The following NRXN3 variants were observed in gnomAD, a reference collection of about 807,000 sequenced individuals.
The protein encoded by NRXN3 is neurexin 3, also known as neurexin III.
Under a neutral mutation model 137.6 loss-of-function variants are expected in NRXN3, and 32 were observed. The observed-to-expected ratio is 0.23, with a 90% confidence interval of 0.18 to 0.31. NRXN3 has a LOEUF of 0.31. Ranked by LOEUF, NRXN3 falls within the 10% of genes least tolerant of loss-of-function variation. The pLI, the probability that NRXN3 is intolerant of heterozygous loss-of-function variation, is 1.00. For missense variants in NRXN3, 1,574 were observed against 2,062.5 expected (o/e 0.76, Z 4.59); for synonymous variants, 798 against 784.5 (o/e 1.02, Z -0.29).
chr14:79,117,830 A>C (rs2054721495), intron 15 of NRXN3, among the ~76,000 whole-genome samples: 1 of 152,252 alleles, frequency 6.6e-6, no homozygotes, highest in South Asian at 2.1e-4. Context: ...AATAAGAAAC[A>C]GTCATTGTTG....
At chr14:78,913,332 T>C (rs2099245910) in intron 10 of NRXN3, among the ~76,000 whole-genome samples, 1 of 136,114 alleles carries the variant, frequency 7.3e-6, no homozygotes, top group Non-Finnish European at 1.5e-5. Flanking sequence ...TAGGCTGGAG[T>C]GTAGTGGCGC....
intron 8 of NRXN3, among the ~76,000 whole-genome samples, chr14:78,775,583 A>G (rs898213172): frequency 6.6e-6 from 1 of 152,222 alleles, no homozygotes; most frequent in Non-Finnish European, 1.5e-5. Flanking sequence ...CACCCCTGGA[A>G]TTTTACAGGA....
intron 15 of NRXN3, among the ~76,000 whole-genome samples, chr14:79,414,961 T>C (rs899127905): frequency 6.6e-6 from 1 of 152,172 alleles, no homozygotes; most frequent in African/African-American, 2.4e-5. Flanking sequence ...ATGCAGTATT[T>C]GTATTTCTGT....
At chr14:78,402,161 T>C (rs1327887429) in intron 4 of NRXN3, among the ~76,000 whole-genome samples, 2 of 152,162 alleles carry the variant, frequency 1.3e-5, no homozygotes, top group Non-Finnish European at 2.9e-5. Flanking sequence ...ATGAGGAAAA[T>C]GGTACTTTCT....
At chr14:79,663,341 C>A (rs1341525572) in intron 16 of NRXN3, among the ~76,000 whole-genome samples, 1 of 151,932 alleles carries the variant, frequency 6.6e-6, no homozygotes, top group Admixed American at 6.6e-5. Flanking sequence ...CTCTGCTTTG[C>A]CTTGATCGCA....
chr14:78,776,736 C>T (rs2098746066), intron 8 of NRXN3, among the ~76,000 whole-genome samples: 2 of 152,126 alleles, frequency 1.3e-5, no homozygotes, highest in Non-Finnish European at 2.9e-5. Context: ...TGACATGCTC[C>T]ATGAAGGACT....
intron 2 of NRXN3, among the ~76,000 whole-genome samples, chr14:78,257,369 C>T (rs986713668): frequency 2.0e-5 from 3 of 152,204 alleles, no homozygotes; most frequent in Non-Finnish European, 4.4e-5. Context: ...GGCTTATGGT[C>T]TAGTTGGGAA....
intron 15 of NRXN3, among the ~76,000 whole-genome samples, chr14:79,361,996 A>AATTATAATT (rs1555399872): frequency 7.0e-6 from 1 of 142,120 alleles, no homozygotes; most frequent in Admixed American, 7.1e-5. Flanking sequence ...CTACTTTTAT[A>AATTATAATT]ATTATTATTA....
intron 10 of NRXN3, among the ~76,000 whole-genome samples, chr14:78,812,413 C>T (rs868505926): frequency 6.6e-5 from 10 of 152,266 alleles, no homozygotes; most frequent in African/African-American, 1.9e-4. Context: ...TGGAAAGCCT[C>T]GTATCCGAAG....
At chr14:78,744,017 C>T (rs2098595123) in intron 8 of NRXN3, among the ~76,000 whole-genome samples, 1 of 152,090 alleles carries the variant, frequency 6.6e-6, no homozygotes, top group Non-Finnish European at 1.5e-5. Context: ...CTTGGAAGGG[C>T]TTTTTATATA....
intron 4 of NRXN3, among the ~76,000 whole-genome samples, chr14:78,608,521 T>A (rs2097271748): frequency 1.3e-5 from 2 of 152,226 alleles, no homozygotes; most frequent in African/African-American, 4.8e-5. Context: ...AGTGGGACAT[T>A]GTTTAGGAAT....
rs116753261 is a variant in NRXN3 at position 78,309,395 on chromosome 14, C to G, written c.757+11535C>G. Among the ~76,000 whole-genome samples, 974 of 151,724 alleles carry G rather than the reference C, an allele frequency of 6.4e-3. 11 individuals are homozygous for G. Among genetic ancestry groups the G allele is most frequent in the African/African-American group, 0.022 (917 of 41,384 alleles). On this transcript the variant is annotated intron_variant, in intron 4 of 20. Coordinates refer to ENST00000335750, the MANE Select transcript of NRXN3 (RefSeq NM_001330195.2). ...GTTTGGTATAAATTATTTTGTCACC[C>G]AGGTAATAAGCATTGTACCCGATAG...
At chr14:79,680,385 C>G (rs371050251) in intron 17 of NRXN3, among the ~76,000 whole-genome samples, 13 of 151,838 alleles carry the variant, frequency 8.6e-5, no homozygotes, top group African/African-American at 3.1e-4. Context: ...AACCCTGTCT[C>G]AAAACAAAAC....
intron 16 of NRXN3, among the ~76,000 whole-genome samples, chr14:79,603,483 C>G (rs1331524790): frequency 2.0e-5 from 3 of 152,198 alleles, no homozygotes; most frequent in Admixed American, 2.0e-4. Context: ...TTGTCTAATG[C>G]CTTCTGCACA....
At chr14:78,848,149 A>G (rs1027826338) in intron 10 of NRXN3, among the ~76,000 whole-genome samples, 1 of 152,098 alleles carries the variant, frequency 6.6e-6, no homozygotes, top group Non-Finnish European at 1.5e-5. Flanking sequence ...GGGCTTTGGT[A>G]TCTGTTGCTA....
At chr14:79,188,683 T>C (rs1209977395) in intron 15 of NRXN3, among the ~76,000 whole-genome samples, 2 of 152,216 alleles carry the variant, frequency 1.3e-5, no homozygotes, top group Non-Finnish European at 2.9e-5. Context: ...CTAGGCATAA[T>C]GTGATTGCTT....
chr14:79,280,278 C>T, intron 15 of NRXN3: 2 of 1,613,722 alleles, frequency 1.2e-6, no homozygotes, highest in South Asian at 2.2e-5. Flanking sequence ...CTGTAGTGGT[C>T]CCGTGCGTTG....
intron 1 of NRXN3, among the ~76,000 whole-genome samples, chr14:78,211,662 A>G (rs2062752879): frequency 6.6e-6 from 1 of 152,254 alleles, no homozygotes; most frequent in South Asian, 2.1e-4. Flanking sequence ...TTACTGCTTA[A>G]TGCAATACCA....
At chr14:78,672,680 C>T (rs1489816221) in intron 6 of NRXN3, among the ~76,000 whole-genome samples, 1 of 152,096 alleles carries the variant, frequency 6.6e-6, no homozygotes, top group African/African-American at 2.4e-5. Context: ...GCATAACATA[C>T]CGATATATAA....
Sources: allele counts gnomAD v4.1 joint callset (sites outside exome capture counted in the v4.1 genomes callset), GRCh38; gene constraint gnomAD v4.1.1; transcripts MANE v1.5; gene names NCBI Gene and HGNC (gene_info 2026-07-23, HGNC 2026-07-21).